The following ENTREP2 variants were observed in gnomAD, a reference collection of about 807,000 sequenced individuals.
The protein encoded by ENTREP2 is endosomal transmembrane epsin interactor 2.
chr15:29,384,328 C>T, the ENTREP2 span, among the ~76,000 whole-genome samples: 29 of 152,122 alleles, frequency 1.9e-4, no homozygotes, highest in African/African-American at 7.0e-4. Context: ...GGGGCCACTC[C>T]GTCACTAAGC....
the ENTREP2 span, among the ~76,000 whole-genome samples, chr15:29,635,231 A>C: frequency 6.6e-6 from 1 of 152,154 alleles, no homozygotes; most frequent in Non-Finnish European, 1.5e-5. Context: ...GGTTGGGCTG[A>C]AAGTCCTAAC....
At chr15:29,355,152 T>C in the ENTREP2 span, among the ~76,000 whole-genome samples, 2 of 152,142 alleles carry the variant, frequency 1.3e-5, no homozygotes, top group Admixed American at 6.5e-5. Context: ...AGCCACTCCC[T>C]CCCTGTGCTG....
the ENTREP2 span, among the ~76,000 whole-genome samples, chr15:29,145,351 G>A: frequency 3.3e-5 from 5 of 152,186 alleles, no homozygotes; most frequent in African/African-American, 1.2e-4. Flanking sequence ...GGCTGGACAC[G>A]GTGGCTCATG....
At chr15:29,619,187 T>A in the ENTREP2 span, among the ~76,000 whole-genome samples, 1 of 152,136 alleles carries the variant, frequency 6.6e-6, no homozygotes, top group Admixed American at 6.6e-5. Flanking sequence ...GGTCAGGAGA[T>A]CAAGACCATC....
At chr15:29,524,923 T>C in the ENTREP2 span, among the ~76,000 whole-genome samples, 9 of 152,256 alleles carry the variant, frequency 5.9e-5, no homozygotes, top group Non-Finnish European at 1.0e-4. Context: ...CCTGGGTTTA[T>C]ATCCCGATCA....
the ENTREP2 span, among the ~76,000 whole-genome samples, chr15:29,127,686 A>G: frequency 6.6e-6 from 1 of 152,126 alleles, no homozygotes; most frequent in Non-Finnish European, 1.5e-5. Context: ...TGTAGAGTTC[A>G]CCGCCCAGGT....
At chr15:29,218,134 CT>C in the ENTREP2 span, among the ~76,000 whole-genome samples, 1 of 152,108 alleles carries the variant, frequency 6.6e-6, no homozygotes, top group Non-Finnish European at 1.5e-5. Flanking sequence ...ATATCAGTGC[CT>C]GTTCCGGTAG....
chr15:29,582,864 CT>C, the ENTREP2 span, among the ~76,000 whole-genome samples: 1 of 152,038 alleles, frequency 6.6e-6, no homozygotes, highest in Non-Finnish European at 1.5e-5. Flanking sequence ...GTTGGTCAGG[CT>C]GGTCTCGAAC....
chr15:29,159,446 G>A, the ENTREP2 span, among the ~76,000 whole-genome samples: 7 of 152,176 alleles, frequency 4.6e-5, no homozygotes, highest in Non-Finnish European at 7.3e-5. Context: ...GGACAGGGCC[G>A]GGTTGCTACT....
chr15:29,491,859 C>T, the ENTREP2 span, among the ~76,000 whole-genome samples: 2 of 152,128 alleles, frequency 1.3e-5, no homozygotes, highest in Non-Finnish European at 2.9e-5. Flanking sequence ...AATTCACAAC[C>T]ACACCCTTCT....
At chr15:29,260,447 G>A in the ENTREP2 span, among the ~76,000 whole-genome samples, 5 of 152,150 alleles carry the variant, frequency 3.3e-5, no homozygotes, top group African/African-American at 4.8e-5. Flanking sequence ...ATTCTACTCC[G>A]TGACCAAGTG....
chr15:29,638,877 C>G, the ENTREP2 span, among the ~76,000 whole-genome samples: 1 of 152,222 alleles, frequency 6.6e-6, no homozygotes, highest in African/African-American at 2.4e-5. Context: ...GTGGACAGCC[C>G]AATCTGAGGA....
chr15:29,243,380 T>C, the ENTREP2 span, among the ~76,000 whole-genome samples: 1 of 151,764 alleles, frequency 6.6e-6, no homozygotes, highest in African/African-American at 2.4e-5. Context: ...ACCTAAAAAG[T>C]TAAGGACATC....
chr15:29,362,495 C>G, the ENTREP2 span, among the ~76,000 whole-genome samples: 1 of 151,282 alleles, frequency 6.6e-6, no homozygotes, highest in Non-Finnish European at 1.5e-5. Context: ...CTGCCTCAGC[C>G]TCCAGAGTAG....
the ENTREP2 span, among the ~76,000 whole-genome samples, chr15:29,236,291 C>A: frequency 6.6e-6 from 1 of 152,256 alleles, no homozygotes; most frequent in South Asian, 2.1e-4. Flanking sequence ...CCTTGAAAAA[C>A]ACAAACTACC....
chr15:29,174,810 A>G, the ENTREP2 span, among the ~76,000 whole-genome samples: 5 of 152,310 alleles, frequency 3.3e-5, no homozygotes, highest in African/African-American at 1.2e-4. Flanking sequence ...TGCCTAAGGT[A>G]TCTATTTCAT....
the ENTREP2 span, among the ~76,000 whole-genome samples, chr15:29,370,296 G>A: frequency 6.6e-6 from 1 of 152,128 alleles, no homozygotes; most frequent in African/African-American, 2.4e-5. Context: ...CTGTGCAAAT[G>A]CTAACCAAAA....
At chr15:29,344,931 G>GACACACACAC in the ENTREP2 span, among the ~76,000 whole-genome samples, 540 of 142,596 alleles carry the variant, frequency 3.8e-3, 6 homozygotes, top group African/African-American at 0.011. Context: ...CACGCGCGCA[G>GACACACACAC]ACACACACAC....
the ENTREP2 span, among the ~76,000 whole-genome samples, chr15:29,432,173 T>C: frequency 5.9e-5 from 9 of 152,222 alleles, no homozygotes; most frequent in Non-Finnish European, 1.3e-4. Flanking sequence ...AAAAGACTTC[T>C]GCTCACTTCA....
Sources: gnomAD v4.1 joint callset for allele counts (sites outside exome capture counted in the v4.1 genomes callset) on GRCh38, gnomAD v4.1.1 for gene constraint, MANE v1.5 for transcripts, NCBI Gene and HGNC (gene_info 2026-07-23, HGNC 2026-07-21) for gene names.